Variants in SPIDR observed in about 807,000 individuals in gnomAD.
The protein encoded by SPIDR is scaffold protein involved in DNA repair, also known as DNA repair-scaffolding protein.
SPIDR carries 93 observed loss-of-function variants against 104.6 expected under a neutral mutation model. The ratio of observed to expected loss-of-function variants is 0.89; its 90% CI spans 0.75 to 1.06. SPIDR has a LOEUF of 1.06. Among genes scored for constraint, SPIDR ranks in the 50% least tolerant of loss-of-function variants. The probability of loss-of-function intolerance (pLI) is 0.00; values close to 1 mark genes in which losing one functional copy is unlikely to be tolerated. For missense variants in SPIDR, 1,154 were observed against 1,111.2 expected (o/e 1.04, Z -0.55); for synonymous variants, 431 against 416.9 (o/e 1.03, Z -0.41).
intron 4 of SPIDR, among the ~76,000 whole-genome samples, chr8:47,292,158 C>T (rs1398935803): frequency 1.3e-5 from 2 of 152,124 alleles, no homozygotes; most frequent in Admixed American, 1.3e-4. Context: ...TTAAAATATA[C>T]AAATCATCTA....
At chr8:47,653,219 G>A (rs1429724153) in intron 10 of SPIDR, among the ~76,000 whole-genome samples, 1 of 152,132 alleles carries the variant, frequency 6.6e-6, no homozygotes, top group African/African-American at 2.4e-5. Flanking sequence ...TGATGGCTCA[G>A]GGGAAGCTGT....
At chr8:47,575,464 A>G (rs1185297920) in intron 8 of SPIDR, among the ~76,000 whole-genome samples, 3 of 151,000 alleles carry the variant, frequency 2.0e-5, no homozygotes, top group Non-Finnish European at 4.4e-5. Flanking sequence ...TAACACGGTG[A>G]AACCCCGTCT....
At chr8:47,399,883 G>A (rs1348828945) in intron 6 of SPIDR, among the ~76,000 whole-genome samples, 1 of 152,198 alleles carries the variant, frequency 6.6e-6, no homozygotes, top group East Asian at 1.9e-4. Context: ...GCTACTAGAG[G>A]TGATGAGCTG....
At chr8:47,562,577 C>T (rs2057217309) in intron 8 of SPIDR, among the ~76,000 whole-genome samples, 1 of 152,202 alleles carries the variant, frequency 6.6e-6, no homozygotes, top group Non-Finnish European at 1.5e-5. Context: ...TGAGAGATGT[C>T]ATTGTCACCT....
At position 47,735,596 on chromosome 8, in the gene SPIDR, G is replaced by C. The variant is rs1378876807; in HGVS notation, c.*146G>C. On this transcript the variant is annotated 3_prime_UTR_variant, in exon 20 of 20. Coordinates refer to ENST00000297423, the MANE Select transcript of SPIDR (RefSeq NM_001080394.4). ...GAAACTTAGATTTTTCTGGGGAAAT[G>C]TTCAGATACAGTTTTGTGAACTGTA... The C allele has an allele frequency of 6.8e-7, 1 of 1,476,050 alleles. No individual in the cohort carries two copies. Among genetic ancestry groups the C allele is most frequent in the African/African-American group, 1.4e-5 (1 of 71,172 alleles). The allele number at this position is 1,476,050 out of a possible 1,614,324, so 91.4% of individuals were successfully genotyped here.
intron 5 of SPIDR, among the ~76,000 whole-genome samples, chr8:47,316,085 T>C (rs1444011371): frequency 2.0e-5 from 3 of 152,166 alleles, no homozygotes; most frequent in Non-Finnish European, 2.9e-5. Context: ...ATTAAGACTA[T>C]GTAAAGAAAT....
Position 47,545,071 on chromosome 8 carries a change from TTTTCTTTCTTTCTTTCTTTC to T in SPIDR, c.1098-50708_1098-50689del, listed in dbSNP as rs566816481. Among the ~76,000 whole-genome samples the T allele has an allele frequency of 3.2e-3, 400 of 124,772 alleles. 5 individuals are homozygous for T. Among genetic ancestry groups the T allele is most frequent in the Middle Eastern group, 0.032 (7 of 222 alleles). The allele number at this position is 124,772 out of a possible 152,430, so 81.9% of individuals were successfully genotyped here. A position where few individuals can be genotyped will look rare whatever the true frequency, so the allele number is the denominator to read the frequency against. On this transcript the variant is annotated intron_variant, in intron 8 of 19. Transcript: ENST00000297423. ...TTACACCAAAGTCTTTCTTTTTATC[TTTTCTTTCTTTCTTTCTTTC>T]TTTCTTTCTTTCTTTCTTTCTTTCT...
chr8:47,353,995 A>G lies in SPIDR; in HGVS notation c.526-42381A>G, dbSNP rs552581507. On this transcript the variant is annotated intron_variant, in intron 5 of 19. Transcript: ENST00000297423. Reference sequence around the variant, plus strand: ...TTTGCTTTTAAGGCTTCATATACAGACAACGCTTTGATACTAGTATCACAT... The same window carrying G: ...TTTGCTTTTAAGGCTTCATATACAGGCAACGCTTTGATACTAGTATCACAT... 5.6e-4 allele frequency among the ~76,000 whole-genome samples: 85 copies of G among 152,258 alleles called. 1 individual carries two copies. The highest frequency in any genetic ancestry group is 9.6e-4 in the Non-Finnish European group (65 of 68,020).
At chr8:47,352,584 G>T (rs1376796485) in intron 5 of SPIDR, among the ~76,000 whole-genome samples, 3 of 152,146 alleles carry the variant, frequency 2.0e-5, no homozygotes, top group African/African-American at 7.2e-5. Flanking sequence ...TTTGGATCTT[G>T]TTCACTCTGA....
chr8:47,629,547 G>A (rs2066732682), intron 10 of SPIDR, among the ~76,000 whole-genome samples: 1 of 152,240 alleles, frequency 6.6e-6, no homozygotes, highest in South Asian at 2.1e-4. Context: ...GAGGTCAGGA[G>A]TTCGAGACCA....
At chr8:47,331,509 A>G (rs551547833) in intron 5 of SPIDR, among the ~76,000 whole-genome samples, 4 of 152,334 alleles carry the variant, frequency 2.6e-5, no homozygotes, top group African/African-American at 9.6e-5. Flanking sequence ...ATAATATGGC[A>G]TAAAAGATAA....
intron 10 of SPIDR, among the ~76,000 whole-genome samples, chr8:47,603,044 T>C (rs2062486803): frequency 6.6e-6 from 1 of 152,140 alleles, no homozygotes; most frequent in Non-Finnish European, 1.5e-5. Context: ...CAGAAGGTGC[T>C]CCCTAACCAC....
intron 11 of SPIDR, among the ~76,000 whole-genome samples, chr8:47,676,275 A>ACCT (rs2076436338): frequency 1.3e-5 from 2 of 151,986 alleles, no homozygotes; most frequent in Admixed American, 1.3e-4. Flanking sequence ...AAACTTTTGA[A>ACCT]CCTCCTTCCT....
chr8:47,496,718 CTTT>C (rs71225690), intron 8 of SPIDR, among the ~76,000 whole-genome samples: 6 of 110,640 alleles, frequency 5.4e-5, no homozygotes, highest in Admixed American at 9.1e-5. Flanking sequence ...ATTCCCTACT[CTTT>C]TTTTTTTTTT....
intron 1 of SPIDR, among the ~76,000 whole-genome samples, chr8:47,263,294 A>G (rs943827732): frequency 1.3e-5 from 2 of 152,212 alleles, no homozygotes; most frequent in Non-Finnish European, 2.9e-5. Context: ...TAGGTAAACT[A>G]GACTACTGCG....
At chr8:47,292,941 A>C (rs989595899) in intron 4 of SPIDR, among the ~76,000 whole-genome samples, 1 of 152,088 alleles carries the variant, frequency 6.6e-6, no homozygotes, top group African/African-American at 2.4e-5. Context: ...AGCGGCTCTG[A>C]GGGCACTTGT....
chr8:47,368,736 T>C (rs1260576855), intron 5 of SPIDR, among the ~76,000 whole-genome samples: 3 of 152,208 alleles, frequency 2.0e-5, no homozygotes, highest in Non-Finnish European at 4.4e-5. Flanking sequence ...GTGTAAAACA[T>C]ACATGCAATA....
At chr8:47,326,295 A>G (rs1466378024) in intron 5 of SPIDR, among the ~76,000 whole-genome samples, 1 of 152,178 alleles carries the variant, frequency 6.6e-6, no homozygotes, top group African/African-American at 2.4e-5. Context: ...GATTTCAGGC[A>G]TGAGCCACCA....
At chr8:47,372,300 G>A (rs782757372) in intron 5 of SPIDR, among the ~76,000 whole-genome samples, 4 of 152,184 alleles carry the variant, frequency 2.6e-5, no homozygotes, top group Non-Finnish European at 4.4e-5. Context: ...GGTGAGTAAC[G>A]ATAGGAAGGC....
Sources: gnomAD v4.1 joint callset for allele counts (sites outside exome capture counted in the v4.1 genomes callset) on GRCh38, gnomAD v4.1.1 for gene constraint, MANE v1.5 for transcripts, NCBI Gene and HGNC (gene_info 2026-07-23, HGNC 2026-07-21) for gene names.